The following PCDH10 variants were observed in gnomAD, a reference collection of about 807,000 sequenced individuals.
PCDH10 encodes protocadherin 10.
Under a neutral mutation model 74.4 loss-of-function variants are expected in PCDH10, and 15 were observed. That is an observed-to-expected ratio of 0.20 (90% CI 0.13 to 0.31). The LOEUF is 0.31. Ranked by LOEUF, PCDH10 falls within the 10% of genes least tolerant of loss-of-function variation. The pLI is 1.00. For missense variants in PCDH10, 1,260 were observed against 1,390.2 expected (o/e 0.91, Z 1.49); for synonymous variants, 619 against 589.8 (o/e 1.05, Z -0.72).
intron 4 of PCDH10, among the ~76,000 whole-genome samples, chr4:133,176,122 TATC>T (rs1177007061): frequency 6.6e-6 from 1 of 152,106 alleles, no homozygotes; most frequent in Non-Finnish European, 1.5e-5. Context: ...TTTTAGAAGG[TATC>T]ATTTTTATTT....
intron 3 of PCDH10, among the ~76,000 whole-genome samples, chr4:133,159,986 A>T (rs957743915): frequency 2.6e-5 from 4 of 151,980 alleles, no homozygotes; most frequent in African/African-American, 9.6e-5. Context: ...CAGGAGATAA[A>T]AGATAAAATG....
intron 2 of PCDH10, among the ~76,000 whole-genome samples, chr4:133,205,328 T>G (rs1262422336): frequency 6.6e-6 from 1 of 152,218 alleles, no homozygotes; most frequent in Non-Finnish European, 1.5e-5. Context: ...AATTTTTCTG[T>G]TGTGAAGCTT....
At chr4:133,183,968 A>G (rs1374022530) in intron 4 of PCDH10, among the ~76,000 whole-genome samples, 1 of 152,156 alleles carries the variant, frequency 6.6e-6, no homozygotes, top group African/African-American at 2.4e-5. Context: ...ATTTTTAAAT[A>G]TCCCTGGATT....
intron 4 of PCDH10, among the ~76,000 whole-genome samples, chr4:133,182,698 T>C (rs1329811218): frequency 6.6e-6 from 1 of 152,102 alleles, no homozygotes; most frequent in Non-Finnish European, 1.5e-5. Context: ...TCAGAACATC[T>C]GAAAAATAAT....
intron 3 of PCDH10, 81 bp downstream of exon 3, chr4:133,155,104 C>T: frequency 1.1e-6 from 1 of 933,892 alleles, no homozygotes; most frequent in Non-Finnish European, 1.7e-6. Flanking sequence ...GGATGATGTC[C>T]TAGGCAATTT....
Position 133,151,940 on chromosome 4 carries a change from C to T in PCDH10, c.1800C>T (p.Leu600=). ...GCTCGGCGGAGCCGGGTTACCTGCT[C>T]ACCCGCGTGGCCGCCGTGGACGCGG... is the stretch of plus-strand genomic sequence containing the variant. ...LPRSAEPGYL[L]TRVAAVDADD... is the part of the protein sequence containing the mutation. Residue 600 remains leucine (L), a synonymous_variant, in exon 1 of 5, where the codon CTC becomes CTT. Transcript: ENST00000264360. 6.2e-7 allele frequency: 1 copy of T among 1,612,334 alleles called. No individual in the cohort carries two copies. Among genetic ancestry groups the T allele is most frequent in the Non-Finnish European group, 8.5e-7 (1 of 1,179,670 alleles).
Position 133,151,804 on chromosome 4 carries a change from C to G in PCDH10, c.1664C>G (p.Ala555Gly), listed in dbSNP as rs1726707454. The G allele has an allele frequency of 6.2e-7, 1 of 1,613,006 alleles. No homozygotes were observed. Among genetic ancestry groups the G allele is most frequent in the Non-Finnish European group, 8.5e-7 (1 of 1,180,058 alleles). ...ARDAGSPQAL[A>G]GNATVNILIV... ...GACGCTGGCAGCCCCCAGGCGCTGG[C>G]TGGTAACGCCACTGTCAACATCCTC... The change falls in exon 1 of 5, where the codon GCT becomes GGT. Residue 555 changes from alanine (A) to glycine (G), a missense_variant. Ala to Gly is a moderately conservative substitution (Grantham distance 60, BLOSUM62 0). Around this residue, in one of 11 missense-constraint regions of PCDH10, gnomAD observed 587 missense variants for 616.9 expected, o/e 0.95. Coordinates refer to ENST00000264360, the MANE Select transcript of PCDH10 (RefSeq NM_032961.3).
intron 2 of PCDH10, among the ~76,000 whole-genome samples, chr4:133,202,347 C>T (rs966839227): frequency 3.3e-5 from 5 of 152,098 alleles, no homozygotes; most frequent in African/African-American, 9.7e-5. Context: ...TGGCATTATG[C>T]CTCTTAATTA....
At chr4:133,165,087 T>G (rs1727051002) in intron 4 of PCDH10, among the ~76,000 whole-genome samples, 1 of 148,408 alleles carries the variant, frequency 6.7e-6, no homozygotes, top group Non-Finnish European at 1.5e-5. Context: ...CATACATATA[T>G]TCATATATAT....
At chr4:133,168,864 T>C (rs1727141869) in intron 4 of PCDH10, among the ~76,000 whole-genome samples, 2 of 151,870 alleles carry the variant, frequency 1.3e-5, no homozygotes, top group Non-Finnish European at 1.5e-5. Context: ...TTTATTCTTT[T>C]CTTCTAATTT....
chr4:133,206,644 A>G (rs1560720829), intron 2 of PCDH10, among the ~76,000 whole-genome samples: 1 of 152,082 alleles, frequency 6.6e-6, no homozygotes, highest in Non-Finnish European at 1.5e-5. Context: ...TGTCATAGTT[A>G]TTTCCTCAAT....
rs1254312943 is a variant in PCDH10 at position 133,152,632 on chromosome 4, A to G, written c.2492A>G (p.Lys831Arg). 2 of 1,614,224 alleles carry G rather than the reference A, an allele frequency of 1.2e-6. No homozygotes were observed. Among genetic ancestry groups the G allele is most frequent in the Admixed American group, 3.3e-5 (2 of 60,030 alleles). The change falls in exon 1 of 5, where the codon AAG (lysine) becomes AGG (arginine). Residue 831 changes from lysine to arginine, a missense_variant. Transcript: ENST00000264360. The part of the protein sequence containing the change: ...YQVCLTPESA[K>R]TDLMFLKPCS... ...GTATGCCTGACCCCTGAGTCCGCCA[A>G]GACCGACCTGATGTTTCTTAAGCCC...
At chr4:133,200,931 A>G (rs994892268) in intron 2 of PCDH10, among the ~76,000 whole-genome samples, 25 of 152,220 alleles carry the variant, frequency 1.6e-4, no homozygotes, top group African/African-American at 5.8e-4. Flanking sequence ...ATGTTCACCC[A>G]TAACGATGAT....
chr4:133,150,277 C>G lies in PCDH10; in HGVS notation c.137C>G (p.Thr46Arg). Reference sequence around the variant, plus strand: ...GCTGAAGATCTGGGTCTGGACATTACAAAACTTTCGGCTCGCGGGTTTCAG... The same window carrying G: ...GCTGAAGATCTGGGTCTGGACATTAGAAAACTTTCGGCTCGCGGGTTTCAG... The part of the protein sequence containing the change: ...NIAEDLGLDI[T>R]KLSARGFQTV... Residue 46 changes from threonine (T) to arginine (R), a missense_variant, in exon 1 of 5, where the codon ACA (threonine) becomes AGA (arginine). By Grantham distance (71) the Thr-to-Arg change is moderately conservative. Transcript: ENST00000264360. 6.2e-7 allele frequency: 1 copy of G among 1,613,958 alleles called. No individual in the cohort carries two copies.
rs771684102 is a variant in PCDH10 at position 133,150,401 on chromosome 4, G to A, written c.261G>A (p.Gln87=). The A allele has an allele frequency of 1.2e-6, 2 of 1,614,036 alleles. No homozygotes were observed. Among genetic ancestry groups the A allele is most frequent in the Non-Finnish European group, 1.7e-6 (2 of 1,180,012 alleles). The part of the protein sequence containing the change: ...EKIDREQICK[Q]SPSCVLHLEV... ...TAGACCGCGAACAAATCTGCAAACA[G>A]AGCCCCTCCTGTGTCCTGCACCTGG... The change falls in exon 1 of 5, where the codon CAG becomes CAA. Residue 87 remains glutamine (Q), a synonymous_variant. Coordinates refer to ENST00000264360, the MANE Select transcript of PCDH10 (RefSeq NM_032961.3).
chr4:133,174,509 CAAAAT>C (rs1230054619), intron 4 of PCDH10, among the ~76,000 whole-genome samples: 1 of 151,716 alleles, frequency 6.6e-6, no homozygotes, highest in Non-Finnish European at 1.5e-5. Flanking sequence ...TGAAATAAGA[CAAAAT>C]AAAGACATCA....
intron 4 of PCDH10, among the ~76,000 whole-genome samples, chr4:133,187,606 G>T (rs1014646039): frequency 4.6e-5 from 7 of 152,082 alleles, no homozygotes; most frequent in East Asian, 1.9e-4. Flanking sequence ...ACACATAGGT[G>T]GGAGGAAGTA....
chr4:133,202,687 G>A (rs910745981), intron 2 of PCDH10, among the ~76,000 whole-genome samples: 1 of 151,996 alleles, frequency 6.6e-6, no homozygotes, highest in African/African-American at 2.4e-5. Flanking sequence ...CTGGACTTTT[G>A]GTGCAAAACT....
Position 133,150,347 on chromosome 4 carries a change from G to C in PCDH10, c.207G>C (p.Glu69Asp), listed in dbSNP as rs777517473. Residue 69 changes from glutamate (E) to aspartate (D), a missense_variant, in exon 1 of 5, where the codon GAG (glutamate) becomes GAC (aspartate). Around this residue, in one of 11 missense-constraint regions of PCDH10, gnomAD observed 103 missense variants for 91.5 expected, o/e 1.13. Transcript: ENST00000264360. ...CCCCTTACTTAGACCTCAACCTGGA[G>C]ACAGGGGTGCTGTACGTGAACGAGA... is the stretch of plus-strand genomic sequence containing the variant. ...SRTPYLDLNL[E>D]TGVLYVNEKI... The C allele has an allele frequency of 1.2e-6, 2 of 1,613,800 alleles. No homozygotes were observed. The highest frequency in any genetic ancestry group is 1.7e-6 in the Non-Finnish European group (2 of 1,179,904).
Sources: gnomAD v4.1 joint callset for allele counts (sites outside exome capture counted in the v4.1 genomes callset) on GRCh38, gnomAD v4.1.1 for gene constraint, gnomAD v4.1.1 regional missense constraint, MANE v1.5 for transcripts, NCBI Gene and HGNC (gene_info 2026-07-23, HGNC 2026-07-21) for gene names.